Variants in RCL1 observed in about 807,000 individuals in gnomAD.
RCL1 encodes RNA 3'-terminal phosphate cyclase-like protein.
A neutral mutation model predicts 42.4 loss-of-function variants in RCL1; 24 were observed. That is an observed-to-expected ratio of 0.57 (90% CI 0.41 to 0.80). The LOEUF is 0.80. Among genes scored for constraint, RCL1 ranks in the 30% least tolerant of loss-of-function variants. The pLI is 0.00. For synonymous variants in RCL1, 228 were observed against 177.3 expected, an observed-to-expected ratio of 1.29 and a Z score of -2.27; for missense variants, 578 against 467.9, an observed-to-expected ratio of 1.24 and a Z score of -2.17.
At chr9:4,808,330 C>T (rs1466461685) in intron 1 of RCL1, among the ~76,000 whole-genome samples, 1 of 151,882 alleles carries the variant, frequency 6.6e-6, no homozygotes, top group South Asian at 2.1e-4. Context: ...TTTTTTAAGA[C>T]AGGGTCTCCT....
intron 5 of RCL1, among the ~76,000 whole-genome samples, chr9:4,837,282 T>C (rs1474478499): frequency 6.6e-6 from 1 of 152,174 alleles, no homozygotes; most frequent in Non-Finnish European, 1.5e-5. Context: ...TGTTTTTTGC[T>C]TTTCACTGTT....
chr9:4,796,751 A>G (rs1842920597), intron 1 of RCL1, among the ~76,000 whole-genome samples: 1 of 152,126 alleles, frequency 6.6e-6, no homozygotes, highest in South Asian at 2.1e-4. Flanking sequence ...TATATATACC[A>G]CATTTTCTTT....
rs199518556 is a variant in RCL1, at chr9:4,793,078, C to G, written c.-14C>G. The G allele has an allele frequency of 6.8e-6, 11 of 1,606,446 alleles. No individual in the cohort carries two copies. The highest frequency in any genetic ancestry group is 9.3e-6 in the Non-Finnish European group (11 of 1,176,858). ...CGCTCTCGGGCTGCTCACGTCTCTT[C>G]GGAGAGCGCGCACATGGCGACTCAG... On this transcript the variant is annotated 5_prime_UTR_variant, in exon 1 of 9. Transcript: ENST00000381750.
intron 3 of RCL1, among the ~76,000 whole-genome samples, chr9:4,831,799 T>G (rs1816952111): frequency 6.6e-6 from 1 of 152,244 alleles, no homozygotes; most frequent in African/African-American, 2.4e-5. Context: ...AAGTCTGGTA[T>G]TTTTCTGATA....
chr9:4,841,441 G>T, intron 6 of RCL1, 84 bp downstream of exon 6: 3 of 1,073,236 alleles, frequency 2.8e-6, no homozygotes, highest in Non-Finnish European at 4.2e-6. Context: ...CAGCTCTGAG[G>T]TTGCGCAGCC....
At chr9:4,798,663 G>A (rs1193406898) in intron 1 of RCL1, among the ~76,000 whole-genome samples, 1 of 152,184 alleles carries the variant, frequency 6.6e-6, no homozygotes, top group African/African-American at 2.4e-5. Flanking sequence ...TCCTAACTTG[G>A]ATCCTTTAAA....
chr9:4,801,086 G>A (rs912775110), intron 1 of RCL1, among the ~76,000 whole-genome samples: 1 of 152,146 alleles, frequency 6.6e-6, no homozygotes, highest in Non-Finnish European at 1.5e-5. Flanking sequence ...GTCTTAATTT[G>A]CGTATTACAA....
At chr9:4,845,404 G>A in intron 7 of RCL1, among the ~76,000 whole-genome samples, 1 of 152,240 alleles carries the variant, frequency 6.6e-6, no homozygotes, top group East Asian at 1.9e-4. Flanking sequence ...CCTCTCAGTT[G>A]CCACAGTCTT....
At chr9:4,813,377 G>A (rs1816250663) in intron 1 of RCL1, among the ~76,000 whole-genome samples, 1 of 152,174 alleles carries the variant, frequency 6.6e-6, no homozygotes. Flanking sequence ...AGTGGGCAAA[G>A]GATATGAACA....
At chr9:4,849,833 ACTC>A (rs934022889) in intron 8 of RCL1, among the ~76,000 whole-genome samples, 4 of 151,832 alleles carry the variant, frequency 2.6e-5, no homozygotes, top group Admixed American at 1.3e-4. Flanking sequence ...TTAGAGGTAA[ACTC>A]CTGGTTTGGT....
At position 4,809,320 on chromosome 9, in the gene RCL1, C is replaced by CT. The variant is rs112538180; in HGVS notation, c.137-14219dup. On this transcript the variant is annotated intron_variant, in intron 1 of 8. Coordinates refer to ENST00000381750, the MANE Select transcript of RCL1 (RefSeq NM_005772.5). ...CTAGAGACTCCTTTTTTTTTTCTTG[C>CT]TTTTTTTTTAAATGGAGTCTTGCTC... Among the ~76,000 whole-genome samples, 1,265 of 149,420 alleles carry CT rather than the reference C, an allele frequency of 8.5e-3. 19 individuals are homozygous for CT. The highest frequency in any genetic ancestry group is 0.029 in the African/African-American group (1,182 of 40,764).
chr9:4,855,466 C>T (rs1166372472), intron 8 of RCL1, among the ~76,000 whole-genome samples: 2 of 151,966 alleles, frequency 1.3e-5, no homozygotes, highest in Non-Finnish European at 2.9e-5. Context: ...ACTCAAGAGG[C>T]GGTGCCTCAG....
intron 8 of RCL1, among the ~76,000 whole-genome samples, chr9:4,851,885 CT>C (rs1214271046): frequency 1.2e-4 from 15 of 124,448 alleles, no homozygotes; most frequent in Non-Finnish European, 1.3e-4. Flanking sequence ...GTGTGAAACT[CT>C]TTTTTTTTTT....
At chr9:4,807,134 T>TG (rs996729775) in intron 1 of RCL1, among the ~76,000 whole-genome samples, 2 of 152,148 alleles carry the variant, frequency 1.3e-5, no homozygotes, top group African/African-American at 4.8e-5. Context: ...TGTGGGGGCG[T>TG]GGGGGTGTCT....
At chr9:4,853,325 T>G (rs1817818295) in intron 8 of RCL1, among the ~76,000 whole-genome samples, 1 of 54,188 alleles carries the variant, frequency 1.8e-5, no homozygotes, top group Admixed American at 1.7e-4. Flanking sequence ...CACTGTGCTC[T>G]TTTTTTTTTT....
At chr9:4,829,748 T>C (rs995382334) in intron 3 of RCL1, among the ~76,000 whole-genome samples, 1 of 152,206 alleles carries the variant, frequency 6.6e-6, no homozygotes, top group Admixed American at 6.5e-5. Flanking sequence ...TGTATGCATC[T>C]GAATTGGTTG....
intron 5 of RCL1, among the ~76,000 whole-genome samples, chr9:4,837,027 C>T (rs1817162496): frequency 6.6e-6 from 1 of 152,070 alleles, no homozygotes; most frequent in South Asian, 2.1e-4. Flanking sequence ...CCTAGGAGCC[C>T]CCAGGTTGAT....
chr9:4,840,430 G>A (rs1817279581), intron 5 of RCL1, among the ~76,000 whole-genome samples: 1 of 152,150 alleles, frequency 6.6e-6, no homozygotes, highest in Admixed American at 6.5e-5. Context: ...TGACATGTGT[G>A]GTTGGGGAAT....
At chr9:4,809,370 C>G (rs1037328276) in intron 1 of RCL1, among the ~76,000 whole-genome samples, 1 of 151,718 alleles carries the variant, frequency 6.6e-6, no homozygotes, top group African/African-American at 2.4e-5. Context: ...AGTGCAGTGG[C>G]AAGATCTTGG....
Sources: allele counts gnomAD v4.1 joint callset (sites outside exome capture counted in the v4.1 genomes callset), GRCh38; gene constraint gnomAD v4.1.1; transcripts MANE v1.5; gene names NCBI Gene and HGNC (gene_info 2026-07-23, HGNC 2026-07-21).